Variants in ABTB3 observed in about 807,000 individuals in gnomAD.
The protein encoded by ABTB3 is ankyrin repeat and BTB domain containing 3.
the ABTB3 span, chr12:107,657,775 C>T: frequency 6.4e-7 from 1 of 1,570,920 alleles, no homozygotes; most frequent in Non-Finnish European, 8.7e-7. Flanking sequence ...GCCGCATTGG[C>T]TTTACACAAA....
the ABTB3 span, among the ~76,000 whole-genome samples, chr12:107,411,429 T>C: frequency 6.6e-6 from 1 of 152,264 alleles, no homozygotes; most frequent in Non-Finnish European, 1.5e-5. Flanking sequence ...TGGGGTATTA[T>C]GTGAATCAAA....
the ABTB3 span, chr12:107,520,632 A>C: frequency 6.2e-7 from 1 of 1,614,156 alleles, no homozygotes; most frequent in Non-Finnish European, 8.5e-7. Context: ...GCATCGCCGA[A>C]TTGAGTAAGT....
the ABTB3 span, among the ~76,000 whole-genome samples, chr12:107,623,152 C>T: frequency 4.9e-4 from 73 of 150,398 alleles, 2 homozygotes; most frequent in African/African-American, 1.6e-3. Flanking sequence ...CCTCTGCCTC[C>T]CAGGTTCAAG....
chr12:107,482,331 G>A, the ABTB3 span, among the ~76,000 whole-genome samples: 3 of 152,162 alleles, frequency 2.0e-5, no homozygotes, highest in East Asian at 1.9e-4. Flanking sequence ...AGAGGTGAAG[G>A]AGATAGGGAG....
At chr12:107,628,751 GTGATACATT>G in the ABTB3 span, among the ~76,000 whole-genome samples, 1 of 152,152 alleles carries the variant, frequency 6.6e-6, no homozygotes, top group Non-Finnish European at 1.5e-5. Context: ...ACAGCATATG[GTGATACATT>G]CTCTTTTAGC....
At chr12:107,325,620 G>A in the ABTB3 span, among the ~76,000 whole-genome samples, 1 of 152,188 alleles carries the variant, frequency 6.6e-6, no homozygotes, top group Non-Finnish European at 1.5e-5. Context: ...CTAGGGTCAA[G>A]GGTGGAGTTG....
chr12:107,597,324 G>C, the ABTB3 span, among the ~76,000 whole-genome samples: 13 of 152,288 alleles, frequency 8.5e-5, no homozygotes, highest in Admixed American at 7.2e-4. Context: ...AAATACCACA[G>C]AATGGGTATT....
the ABTB3 span, among the ~76,000 whole-genome samples, chr12:107,561,884 T>G: frequency 1.3e-5 from 2 of 152,194 alleles, no homozygotes; most frequent in African/African-American, 4.8e-5. Context: ...CGCTTCTGCC[T>G]CCCTGGTCCA....
the ABTB3 span, among the ~76,000 whole-genome samples, chr12:107,507,642 G>A: frequency 6.6e-6 from 1 of 152,156 alleles, no homozygotes; most frequent in Admixed American, 6.5e-5. Flanking sequence ...CCCACCTCAT[G>A]GGAATTCCCT....
the ABTB3 span, among the ~76,000 whole-genome samples, chr12:107,637,063 A>G: frequency 2.0e-5 from 3 of 152,310 alleles, no homozygotes; most frequent in East Asian, 5.8e-4. Flanking sequence ...AAATACCATC[A>G]ACATCCATTG....
the ABTB3 span, among the ~76,000 whole-genome samples, chr12:107,553,389 G>A: frequency 1.3e-5 from 2 of 152,140 alleles, no homozygotes; most frequent in Admixed American, 6.5e-5. Flanking sequence ...GATGCAACAC[G>A]GTCATGTAAG....
At chr12:107,603,327 C>G in the ABTB3 span, among the ~76,000 whole-genome samples, 1 of 152,172 alleles carries the variant, frequency 6.6e-6, no homozygotes, top group Non-Finnish European at 1.5e-5. Flanking sequence ...TGTTTCTTAC[C>G]TGCTCTAGTT....
chr12:107,612,348 A>G, the ABTB3 span, among the ~76,000 whole-genome samples: 1 of 152,218 alleles, frequency 6.6e-6, no homozygotes, highest in African/African-American at 2.4e-5. Flanking sequence ...GATGCTGACC[A>G]GCAGCTTTTA....
At chr12:107,532,519 A>C in the ABTB3 span, among the ~76,000 whole-genome samples, 41 of 152,246 alleles carry the variant, frequency 2.7e-4, no homozygotes, top group African/African-American at 9.6e-4. Context: ...CTAACACTAT[A>C]GATACATCTA....
chr12:107,407,940 G>T, the ABTB3 span, among the ~76,000 whole-genome samples: 4 of 152,066 alleles, frequency 2.6e-5, no homozygotes, highest in Admixed American at 2.6e-4. Context: ...GAGGATGGGT[G>T]CAGGAAGGCT....
chr12:107,441,653 G>A, the ABTB3 span, among the ~76,000 whole-genome samples: 2 of 151,862 alleles, frequency 1.3e-5, no homozygotes, highest in African/African-American at 4.8e-5. Flanking sequence ...AGTTACCTGG[G>A]GGGTCCAGAC....
the ABTB3 span, among the ~76,000 whole-genome samples, chr12:107,347,633 G>A: frequency 1.3e-5 from 2 of 152,076 alleles, no homozygotes; most frequent in Non-Finnish European, 2.9e-5. Context: ...CATGATGGCT[G>A]GCTTCCAAGA....
At chr12:107,610,797 G>A in the ABTB3 span, among the ~76,000 whole-genome samples, 2 of 152,102 alleles carry the variant, frequency 1.3e-5, no homozygotes, top group Non-Finnish European at 2.9e-5. Flanking sequence ...TCATTCTGGG[G>A]ACCCTAGGAG....
chr12:107,495,992 A>G, the ABTB3 span, among the ~76,000 whole-genome samples: 1 of 152,142 alleles, frequency 6.6e-6, no homozygotes, highest in African/African-American at 2.4e-5. Context: ...AGTCCCCTCA[A>G]TTCTGCCACT....
Sources: gnomAD v4.1 joint callset for allele counts (sites outside exome capture counted in the v4.1 genomes callset) on GRCh38, gnomAD v4.1.1 for gene constraint, MANE v1.5 for transcripts, NCBI Gene and HGNC (gene_info 2026-07-23, HGNC 2026-07-21) for gene names.